Variants in KIAA1217 observed in about 807,000 individuals in gnomAD.
The protein encoded by KIAA1217 is sickle tail protein homolog.
In KIAA1217, 88 loss-of-function variants were observed where a neutral mutation model predicts 163.9. The observed-to-expected ratio is 0.54, with a 90% CI of 0.45 to 0.64. The LOEUF (loss-of-function observed/expected upper bound fraction) is 0.64, where lower values mean the gene tolerates loss of function less well. KIAA1217 is among the 30% of genes least tolerant of loss of function. The pLI is 0.00. For synonymous variants in KIAA1217, 903 were observed against 923.1 expected (o/e 0.98, Z 0.39); for missense variants, 2,372 against 2,475.0 (o/e 0.96, Z 0.88).
In KIAA1217 at chr10:23,795,744, T is replaced by C. The variant is rs148457723; in HGVS notation, c.-321+100510T>C. 7.9e-4 allele frequency among the ~76,000 whole-genome samples: 120 copies of C among 152,278 alleles called. No homozygotes were observed. The South Asian group carries it at 0.016, about 20-fold the overall frequency. ...GGAAGAAATGCAAAACAAAGAGTGG[T>C]AGTCAGAGTTCAGTCCATAGTTCCC... On this transcript the variant is annotated intron_variant, in intron 1 of 18. Transcript: ENST00000376462.
chr10:24,116,093 A>C (rs2063040981), intron 2 of KIAA1217, among the ~76,000 whole-genome samples: 1 of 152,030 alleles, frequency 6.6e-6, no homozygotes, highest in Non-Finnish European at 1.5e-5. Flanking sequence ...TGATTGTGTC[A>C]TACTGCAACA....
intron 1 of KIAA1217, among the ~76,000 whole-genome samples, chr10:23,789,960 C>CACATAT (rs758015503): frequency 7.9e-6 from 1 of 126,578 alleles, no homozygotes; most frequent in Non-Finnish European, 1.6e-5. Flanking sequence ...TGTATATATA[C>CACATAT]ACATATACAT....
intron 2 of KIAA1217, among the ~76,000 whole-genome samples, chr10:24,229,329 A>G (rs1484676687): frequency 6.6e-6 from 1 of 152,204 alleles, no homozygotes; most frequent in Non-Finnish European, 1.5e-5. Flanking sequence ...AAATAAATAA[A>G]TAAGTAAAAA....
intron 1 of KIAA1217, among the ~76,000 whole-genome samples, chr10:23,733,261 C>G (rs1388365382): frequency 6.6e-6 from 1 of 152,116 alleles, no homozygotes; most frequent in Non-Finnish European, 1.5e-5. Flanking sequence ...GATCCTCCCT[C>G]CTTGACCTTC....
chr10:24,466,750 A>G, intron 5 of KIAA1217: 3 of 985,416 alleles, frequency 3.0e-6, no homozygotes, highest in Non-Finnish European at 3.6e-6. Flanking sequence ...GAATGTGCTT[A>G]CTCACGGCGT....
intron 1 of KIAA1217, among the ~76,000 whole-genome samples, chr10:23,818,055 A>G (rs1187142505): frequency 3.3e-5 from 4 of 122,176 alleles, no homozygotes; most frequent in Non-Finnish European, 6.4e-5. Flanking sequence ...ATACACATAT[A>G]TATACATATA....
rs1837691788 is a variant in KIAA1217, at chr10:23,822,899, C to A, written c.-321+127665C>A. Reference sequence around the variant, plus strand: ...TAACAATGATTGAAAAATCAATTAGCACATATACCATATGTCTAAATTTAG... The same window carrying A: ...TAACAATGATTGAAAAATCAATTAGAACATATACCATATGTCTAAATTTAG... On this transcript the variant is annotated intron_variant, in intron 1 of 18. Coordinates refer to the KIAA1217 transcript ENST00000376462. Among the ~76,000 whole-genome samples, 7 of 152,236 alleles carry A rather than the reference C, an allele frequency of 4.6e-5. No homozygotes were observed. In the South Asian group the frequency reaches 1.5e-3, roughly 32 times the overall value.
chr10:24,312,476 G>T (rs921039868), intron 2 of KIAA1217, among the ~76,000 whole-genome samples: 3 of 152,178 alleles, frequency 2.0e-5, no homozygotes, highest in Admixed American at 6.5e-5. Context: ...AAAATTAGCT[G>T]GGCGTGGTGG....
At chr10:24,508,248 A>G (rs1425233350) in intron 9 of KIAA1217, among the ~76,000 whole-genome samples, 1 of 152,224 alleles carries the variant, frequency 6.6e-6, no homozygotes, top group Non-Finnish European at 1.5e-5. Flanking sequence ...GACCTTATTA[A>G]CAGAAAAATC....
intron 2 of KIAA1217, among the ~76,000 whole-genome samples, chr10:24,233,932 T>G (rs1473749902): frequency 1.3e-5 from 2 of 152,230 alleles, no homozygotes; most frequent in Non-Finnish European, 2.9e-5. Flanking sequence ...AGGTTTTTAG[T>G]TATGATCACA....
At chr10:23,982,980 G>A (rs1845833368) in intron 1 of KIAA1217, among the ~76,000 whole-genome samples, 2 of 152,030 alleles carry the variant, frequency 1.3e-5, no homozygotes, top group Non-Finnish European at 2.9e-5. Context: ...GGCTGGGATT[G>A]CCTAGCCTTG....
At chr10:24,406,392 A>AACACACACACACACACACACACACAC (rs34564889) in intron 3 of KIAA1217, among the ~76,000 whole-genome samples, 13 of 133,878 alleles carry the variant, frequency 9.7e-5, no homozygotes, top group Non-Finnish European at 1.5e-4. Context: ...TTCACACACA[A>AACACACACACACACACACACACACAC]ACACACACAC....
intron 9 of KIAA1217, among the ~76,000 whole-genome samples, chr10:24,512,644 T>C (rs2069372625): frequency 6.6e-6 from 1 of 152,220 alleles, no homozygotes; most frequent in Non-Finnish European, 1.5e-5. Flanking sequence ...TAAAGTCCTA[T>C]GTTTTAAGCA....
chr10:23,831,583 C>T (rs76496820), intron 1 of KIAA1217, among the ~76,000 whole-genome samples: 33 of 152,086 alleles, frequency 2.2e-4, no homozygotes, highest in East Asian at 1.2e-3. Flanking sequence ...CCAACTTGTA[C>T]GTTTAAATAA....
intron 2 of KIAA1217, among the ~76,000 whole-genome samples, chr10:24,159,499 G>T (rs970058269): frequency 6.6e-6 from 1 of 152,132 alleles, no homozygotes; most frequent in East Asian, 1.9e-4. Context: ...AGTTTTGAAG[G>T]CTGGGGGTGG....
At chr10:23,819,706 A>G (rs1335912479) in intron 1 of KIAA1217, among the ~76,000 whole-genome samples, 1 of 152,226 alleles carries the variant, frequency 6.6e-6, no homozygotes, top group Admixed American at 6.5e-5. Context: ...ATGCCATTGT[A>G]CATGGCAATT....
At chr10:24,387,873 A>G (rs2054237267) in intron 3 of KIAA1217, among the ~76,000 whole-genome samples, 1 of 151,818 alleles carries the variant, frequency 6.6e-6, no homozygotes, top group Admixed American at 6.6e-5. Flanking sequence ...CTTCAAGGAG[A>G]ACTACAAACC....
At chr10:24,120,474 G>C (rs2063238811) in intron 2 of KIAA1217, among the ~76,000 whole-genome samples, 1 of 152,200 alleles carries the variant, frequency 6.6e-6, no homozygotes, top group Non-Finnish European at 1.5e-5. Context: ...AAGAATTCGT[G>C]CTTCTTGCTA....
intron 2 of KIAA1217, among the ~76,000 whole-genome samples, chr10:24,220,446 CTTTTTTTTTTTT>C (rs530992369): frequency 3.9e-5 from 4 of 103,104 alleles, no homozygotes; most frequent in African/African-American, 5.0e-5. Context: ...TTCTGCTCTT[CTTTTTTTTTTTT>C]TTTTTTTTTT....
Sources: gnomAD v4.1 joint callset for allele counts (sites outside exome capture counted in the v4.1 genomes callset) on GRCh38, gnomAD v4.1.1 for gene constraint, MANE v1.5 for transcripts, NCBI Gene and HGNC (gene_info 2026-07-23, HGNC 2026-07-21) for gene names.